Variants in SPOCK1 observed in about 807,000 individuals in gnomAD.
SPOCK1 encodes testican-1.
A neutral mutation model predicts 55.3 loss-of-function variants in SPOCK1; 23 were observed. The ratio of observed to expected loss-of-function variants is 0.42; its 90% CI spans 0.30 to 0.59. SPOCK1 has a LOEUF of 0.59. SPOCK1 is among the 20% of genes least tolerant of loss of function. The pLI is 0.22. For synonymous variants in SPOCK1, 226 were observed against 221.0 expected (o/e 1.02, Z -0.20); for missense variants, 499 against 552.5 (o/e 0.90, Z 0.97).
At chr5:137,220,674 C>G (rs1227856827) in intron 3 of SPOCK1, among the ~76,000 whole-genome samples, 2 of 152,174 alleles carry the variant, frequency 1.3e-5, no homozygotes, top group East Asian at 3.8e-4. Flanking sequence ...AGGACAAGGA[C>G]TGAGTCACAG....
intron 3 of SPOCK1, among the ~76,000 whole-genome samples, chr5:137,240,046 T>C (rs943826815): frequency 6.6e-6 from 1 of 152,110 alleles, no homozygotes; most frequent in African/African-American, 2.4e-5. Flanking sequence ...GAAGAGAAAA[T>C]TCCATGTAAA....
At chr5:137,028,685 G>A (rs1182687120) in intron 6 of SPOCK1, among the ~76,000 whole-genome samples, 1 of 152,122 alleles carries the variant, frequency 6.6e-6, no homozygotes, top group Non-Finnish European at 1.5e-5. Flanking sequence ...CCTCAGAGAA[G>A]TGAATGACAG....
chr5:137,409,166 C>T (rs1752160192), intron 2 of SPOCK1, among the ~76,000 whole-genome samples: 1 of 152,150 alleles, frequency 6.6e-6, no homozygotes, highest in African/African-American at 2.4e-5. Flanking sequence ...AGATATGGTC[C>T]CCACCTCCCC....
chr5:136,976,209 T>C lies in SPOCK1; in HGVS notation c.*2445A>G, dbSNP rs1750612566. On this transcript the variant is annotated 3_prime_UTR_variant, in exon 11 of 11. Coordinates refer to ENST00000394945, the MANE Select transcript of SPOCK1 (RefSeq NM_004598.4). ...AATGCTGTCATGTCAAAGTGAGGCA[T>C]GAAAAGTATTATTAATGTGGCTCCA... 6.6e-6 allele frequency: 1 copy of C among 152,200 alleles called. No individual in the cohort carries two copies. Among genetic ancestry groups the C allele is most frequent in the African/African-American group, 2.4e-5 (1 of 41,454 alleles). The allele number at this position is 152,200 out of a possible 1,614,324, so 9.4% of individuals were successfully genotyped here. A position where few individuals can be genotyped will look rare whatever the true frequency, so the allele number is the denominator to read the frequency against.
At chr5:137,187,302 A>T (rs1469329366) in intron 3 of SPOCK1, among the ~76,000 whole-genome samples, 1 of 152,162 alleles carries the variant, frequency 6.6e-6, no homozygotes, top group Non-Finnish European at 1.5e-5. Context: ...CTGGAAACAG[A>T]GCAGCAAGCT....
chr5:137,142,392 C>T (rs976011188), intron 3 of SPOCK1, among the ~76,000 whole-genome samples: 1 of 152,206 alleles, frequency 6.6e-6, no homozygotes, highest in African/African-American at 2.4e-5. Context: ...CCTGAACACA[C>T]AACATCCAAA....
intron 6 of SPOCK1, among the ~76,000 whole-genome samples, chr5:137,051,403 T>C (rs897525505): frequency 6.6e-6 from 1 of 152,222 alleles, no homozygotes; most frequent in African/African-American, 2.4e-5. Context: ...AAATGATTTC[T>C]TCCTGTTTGA....
chr5:137,469,103 T>C (rs771294274), intron 2 of SPOCK1, among the ~76,000 whole-genome samples: 4 of 152,222 alleles, frequency 2.6e-5, no homozygotes, highest in Non-Finnish European at 4.4e-5. Flanking sequence ...AAGAACTGGA[T>C]TCCAGCATCA....
At position 137,205,520 on chromosome 5, in the gene SPOCK1, A is replaced by C. The variant is rs541532219; in HGVS notation, c.232+61490T>G. Among the ~76,000 whole-genome samples the C allele has an allele frequency of 4.6e-5, 7 of 152,286 alleles. No homozygotes were observed. The East Asian group carries it at 1.4e-3, about 29-fold the overall frequency. ...AAGGCTCTGCTCTTGGCAGTGATGA[A>C]TTGTCTGAGTCGGGTGGCAGGAAAG... is the stretch of plus-strand genomic sequence containing the variant. On this transcript the variant is annotated intron_variant, in intron 3 of 10. Transcript: ENST00000394945.
chr5:137,005,552 G>A (rs927033738), intron 6 of SPOCK1, among the ~76,000 whole-genome samples: 2 of 152,102 alleles, frequency 1.3e-5, no homozygotes, highest in African/African-American at 4.8e-5. Context: ...CAAGAACTCA[G>A]GGGAGAGATA....
chr5:137,003,851 G>A (rs1366430590), intron 6 of SPOCK1, among the ~76,000 whole-genome samples: 6 of 152,202 alleles, frequency 3.9e-5, no homozygotes, highest in African/African-American at 7.2e-5. Flanking sequence ...TCCTGAAGGT[G>A]ATAGGAAGCT....
intron 3 of SPOCK1, among the ~76,000 whole-genome samples, chr5:137,194,724 A>G (rs1755263454): frequency 6.6e-6 from 1 of 151,810 alleles, no homozygotes; most frequent in African/African-American, 2.4e-5. Flanking sequence ...GGCAGTGATC[A>G]CCCCGTGGCT....
At chr5:137,073,094 T>C (rs1157650322) in intron 5 of SPOCK1, among the ~76,000 whole-genome samples, 2 of 152,218 alleles carry the variant, frequency 1.3e-5, no homozygotes, top group African/African-American at 4.8e-5. Context: ...AGGTCTTTGG[T>C]CTCATTTAGA....
intron 2 of SPOCK1, among the ~76,000 whole-genome samples, chr5:137,327,086 T>C (rs1001427431): frequency 1.3e-5 from 2 of 152,218 alleles, no homozygotes; most frequent in African/African-American, 4.8e-5. Context: ...CTTCCTGATG[T>C]GGATAGGGAG....
At chr5:137,277,035 TAGAC>T (rs972086899) in intron 2 of SPOCK1, among the ~76,000 whole-genome samples, 2 of 152,112 alleles carry the variant, frequency 1.3e-5, no homozygotes, top group South Asian at 2.1e-4. Flanking sequence ...TTTTTTTTAA[TAGAC>T]AGGGTCTTGC....
chr5:137,488,076 A>G (rs563134771), intron 2 of SPOCK1, among the ~76,000 whole-genome samples: 1 of 152,292 alleles, frequency 6.6e-6, no homozygotes, highest in Non-Finnish European at 1.5e-5. Context: ...AACTACCTAC[A>G]TCAGAATCAC....
intron 6 of SPOCK1, among the ~76,000 whole-genome samples, chr5:137,030,960 ACTAC>A (rs1751767046): frequency 6.6e-6 from 1 of 152,232 alleles, no homozygotes; most frequent in Non-Finnish European, 1.5e-5. Flanking sequence ...GTTCCAAGGC[ACTAC>A]CTATAAAATC....
chr5:137,164,032 T>C (rs1275906987), intron 3 of SPOCK1, among the ~76,000 whole-genome samples: 3 of 152,210 alleles, frequency 2.0e-5, no homozygotes, highest in African/African-American at 7.2e-5. Flanking sequence ...TGTTAAACTC[T>C]GAAAGCAGAG....
intron 2 of SPOCK1, among the ~76,000 whole-genome samples, chr5:137,332,277 CT>C (rs1367301572): frequency 6.6e-6 from 1 of 152,174 alleles, no homozygotes; most frequent in Non-Finnish European, 1.5e-5. Flanking sequence ...CAAGTTCCCT[CT>C]TGTGAGAGGG....
Sources: gnomAD v4.1 joint callset for allele counts (sites outside exome capture counted in the v4.1 genomes callset) on GRCh38, gnomAD v4.1.1 for gene constraint, MANE v1.5 for transcripts, NCBI Gene and HGNC (gene_info 2026-07-23, HGNC 2026-07-21) for gene names.